OPHN1: variants seen among roughly 807,000 people sequenced by gnomAD.
The protein encoded by OPHN1 is oligophrenin-1.
Under a neutral mutation model 60.7 loss-of-function variants are expected in OPHN1, and 11 were observed. That is an observed-to-expected ratio of 0.18 (90% CI 0.11 to 0.30). The LOEUF (loss-of-function observed/expected upper bound fraction) is 0.30. OPHN1 is among the 10% of genes least tolerant of loss of function. The pLI is 1.00. For synonymous variants in OPHN1, 226 were observed against 222.6 expected (o/e 1.02, Z -0.14); for missense variants, 449 against 611.0 (o/e 0.73, Z 2.80).
At chrX:68,432,436 G>T (rs1483229470) in intron 2 of OPHN1, among the ~76,000 whole-genome samples, 2 of 111,886 alleles carry the variant, frequency 1.8e-5, no homozygotes, top group East Asian at 5.6e-4. Context: ...CAGAGACCAG[G>T]ACAAAATTAT....
At position 68,317,523 on chromosome X, in the gene OPHN1, GAAAGAAAGAAAGAAAA is replaced by G. The variant is rs1180558591; in HGVS notation, c.155-18443_155-18428del. ...AGAGGGAGGGAAAGAGAGAGAGAAAGAAAGAAAGAAAGAAAAAAAGAAAGAAAGAAAGAAAGAAAGA... is the reference window on the plus strand; with the variant it reads ...AGAGGGAGGGAAAGAGAGAGAGAAAGAAAGAAAGAAAGAAAGAAAGAAAGA... On this transcript the variant is annotated intron_variant, in intron 2 of 24. Transcript: ENST00000355520. Among the ~76,000 whole-genome samples, 58 of 44,039 alleles carry G rather than the reference GAAAGAAAGAAAGAAAA, an allele frequency of 1.3e-3. 4 individuals carry two copies. The highest frequency in any genetic ancestry group is 0.011 in the African/African-American group (55 of 5,168). 38.2% of individuals were successfully genotyped at this position (44,039 alleles called of 115,157 possible).
intron 2 of OPHN1, among the ~76,000 whole-genome samples, chrX:68,302,672 C>G (rs1375010631): frequency 9.0e-6 from 1 of 111,285 alleles, no homozygotes; most frequent in Non-Finnish European, 1.9e-5. Flanking sequence ...AATCTCAGAG[C>G]TTTGGGAGGC....
chrX:68,166,615 A>C (rs1172923820), intron 15 of OPHN1, among the ~76,000 whole-genome samples: 1 of 112,229 alleles, frequency 8.9e-6, no homozygotes, highest in Non-Finnish European at 1.9e-5. Context: ...AACTGGAAGA[A>C]TCATATACCT....
intron 15 of OPHN1, among the ~76,000 whole-genome samples, chrX:68,149,173 A>G (rs924531510): frequency 1.8e-5 from 2 of 111,001 alleles, no homozygotes; most frequent in African/African-American, 6.5e-5. Context: ...CCAATAAATG[A>G]CTCCTTGCTC....
chrX:68,368,312 C>T (rs1363546807), intron 2 of OPHN1, among the ~76,000 whole-genome samples: 1 of 111,197 alleles, frequency 9.0e-6, no homozygotes, highest in African/African-American at 3.3e-5. Context: ...AGAAGGATCG[C>T]TTGAAGTCAG....
At chrX:68,249,309 C>A (rs770150641) in intron 5 of OPHN1, among the ~76,000 whole-genome samples, 2 of 111,910 alleles carry the variant, frequency 1.8e-5, no homozygotes, top group South Asian at 7.4e-4. Flanking sequence ...TTATTTTATT[C>A]TTTTAGTTTA....
At chrX:68,383,055 G>C (rs758796544) in intron 2 of OPHN1, among the ~76,000 whole-genome samples, 27 of 111,247 alleles carry the variant, frequency 2.4e-4, no homozygotes, top group African/African-American at 8.8e-4. Context: ...AAGTTCAGTG[G>C]CTCAGGCTTG....
intron 6 of OPHN1, among the ~76,000 whole-genome samples, chrX:68,214,558 C>A (rs2077599189): frequency 1.8e-5 from 2 of 112,305 alleles, no homozygotes; most frequent in Non-Finnish European, 3.8e-5. Context: ...ACATTAAAGA[C>A]CTGTTTCACT....
At chrX:68,293,699 TG>T (rs1239604361) in intron 3 of OPHN1, among the ~76,000 whole-genome samples, 1 of 111,625 alleles carries the variant, frequency 9.0e-6, no homozygotes, top group South Asian at 3.8e-4. Flanking sequence ...GATTGAAATT[TG>T]AAGTTAAAAT....
At chrX:68,290,936 T>G (rs2147617260) in intron 3 of OPHN1, among the ~76,000 whole-genome samples, 1 of 111,911 alleles carries the variant, frequency 8.9e-6, no homozygotes, top group African/African-American at 3.2e-5. Flanking sequence ...ATACGGAAGC[T>G]AATAATAATC....
chrX:68,064,023 C>A lies in OPHN1; in HGVS notation c.1989G>T (p.Glu663Asp). The A allele has an allele frequency of 8.3e-7, 1 of 1,210,380 alleles. No individual in the cohort carries two copies. The highest frequency in any genetic ancestry group is 1.7e-5 in the African/African-American group (1 of 57,513). ...PSRPILDGKL[E>D]PCPEVDVGKL... The stretch of plus-strand genomic sequence containing the variant: ...TCCCCACGTCCACCTCTGGGCAGGG[C>A]TCCAACTTGCCATCCAAAATAGGCC... Residue 663 changes from glutamate to aspartate, a missense_variant, in exon 21 of 25, where the codon GAG becomes GAT. Around this residue, in one of 4 missense-constraint regions of OPHN1, gnomAD observed 184 missense variants for 160.5 expected, o/e 1.15. Transcript: ENST00000355520.
chrX:68,365,180 T>TA (rs2078491748), intron 2 of OPHN1, among the ~76,000 whole-genome samples: 2 of 110,724 alleles, frequency 1.8e-5, no homozygotes, highest in South Asian at 7.7e-4. Context: ...CGGTTCCAGA[T>TA]ATAGGAATAA....
intron 2 of OPHN1, among the ~76,000 whole-genome samples, chrX:68,405,343 C>T (rs909353954): frequency 3.6e-5 from 4 of 111,260 alleles, no homozygotes; most frequent in Non-Finnish European, 5.6e-5. Flanking sequence ...GAGCACATGA[C>T]ACCACCTGGC....
chrX:68,279,932 T>C (rs1020248462), intron 4 of OPHN1, among the ~76,000 whole-genome samples: 1 of 111,914 alleles, frequency 8.9e-6, no homozygotes, highest in Non-Finnish European at 1.9e-5. Context: ...GGCTTTGTTA[T>C]TGGGTAAATA....
At chrX:68,319,956 C>T (rs1006892200) in intron 2 of OPHN1, among the ~76,000 whole-genome samples, 11 of 109,792 alleles carry the variant, frequency 1.0e-4, no homozygotes, top group African/African-American at 3.0e-4. Context: ...AGAAAACGGG[C>T]AACAGATATA....
chrX:68,081,826 A>C (rs1370916251), intron 19 of OPHN1, among the ~76,000 whole-genome samples: 1 of 111,195 alleles, frequency 9.0e-6, no homozygotes, highest in Non-Finnish European at 1.9e-5. Flanking sequence ...AGTTAGCTGC[A>C]TCAATTGACT....
chrX:68,177,500 TTA>T lies in OPHN1; in HGVS notation c.1276+15417_1276+15418del, dbSNP rs770382176. ...GGTCAGTTGCTGTATTATTCTTGCA[TTA>T]TTATAAAGAAATACCTGAGATTGCA... is the stretch of plus-strand genomic sequence containing the variant. On this transcript the variant is annotated intron_variant, in intron 15 of 24. Transcript: ENST00000355520. Among the ~76,000 whole-genome samples, 23 of 108,354 alleles carry T rather than the reference TTA, an allele frequency of 2.1e-4. No homozygotes were observed. In the East Asian group the frequency reaches 6.5e-3, roughly 31 times the overall value. The allele number at this position is 108,354 out of a possible 115,157, so 94.1% of individuals were successfully genotyped here.
chrX:68,269,981 G>T (rs1195667795), intron 5 of OPHN1, among the ~76,000 whole-genome samples: 5 of 111,786 alleles, frequency 4.5e-5, no homozygotes, highest in African/African-American at 1.6e-4. Flanking sequence ...AACAGACACA[G>T]GAAAAAATGC....
At chrX:68,189,891 G>T (rs1249662857) in intron 15 of OPHN1, among the ~76,000 whole-genome samples, 1 of 110,503 alleles carries the variant, frequency 9.0e-6, no homozygotes. Flanking sequence ...AGTTATAGGA[G>T]ATGTCATAGG....
Sources: gnomAD v4.1 joint callset for allele counts (sites outside exome capture counted in the v4.1 genomes callset) on GRCh38, gnomAD v4.1.1 for gene constraint, gnomAD v4.1.1 regional missense constraint, MANE v1.5 for transcripts, NCBI Gene and HGNC (gene_info 2026-07-23, HGNC 2026-07-21) for gene names.